PTPRK: variants seen among roughly 807,000 people sequenced by gnomAD.
The protein encoded by PTPRK is protein tyrosine phosphatase receptor type K, also known as receptor-type tyrosine-protein phosphatase kappa.
Under a neutral mutation model 178.0 loss-of-function variants are expected in PTPRK, and 75 were observed. The observed-to-expected ratio is 0.42, with a 90% confidence interval of 0.35 to 0.51. The LOEUF is 0.51. Among genes scored for constraint, PTPRK ranks in the 20% least tolerant of loss-of-function variants. PTPRK has a pLI of 0.02. For synonymous variants in PTPRK, 637 were observed against 620.6 expected (o/e 1.03, Z -0.39); for missense variants, 1,441 against 1,797.8 (o/e 0.80, Z 3.59).
chr6:127,997,965 T>A (rs1280382598), intron 16 of PTPRK, among the ~76,000 whole-genome samples: 2 of 152,138 alleles, frequency 1.3e-5, no homozygotes, highest in Non-Finnish European at 2.9e-5. Flanking sequence ...CTGTGATGTG[T>A]TCATGGGTAG....
At chr6:128,463,756 T>G (rs1376722707) in intron 1 of PTPRK, among the ~76,000 whole-genome samples, 1 of 141,224 alleles carries the variant, frequency 7.1e-6, no homozygotes, top group Non-Finnish European at 1.5e-5. Flanking sequence ...TTTTTTTTTT[T>G]TTTTTTTTTT....
chr6:128,314,035 C>T (rs1168021099), intron 3 of PTPRK, among the ~76,000 whole-genome samples: 1 of 152,044 alleles, frequency 6.6e-6, no homozygotes, highest in Admixed American at 6.6e-5. Context: ...CTCTGCAATG[C>T]CAATTTCCTT....
intron 5 of PTPRK, among the ~76,000 whole-genome samples, chr6:128,237,690 A>G (rs1394827733): frequency 6.6e-6 from 1 of 152,236 alleles, no homozygotes; most frequent in East Asian, 1.9e-4. Context: ...TAGGAGGGTT[A>G]GAGTAAAAGT....
At chr6:128,468,951 T>C (rs1850251207) in intron 1 of PTPRK, among the ~76,000 whole-genome samples, 2 of 151,500 alleles carry the variant, frequency 1.3e-5, no homozygotes, top group South Asian at 4.1e-4. Flanking sequence ...CCTTAATGTA[T>C]TCAATTTCAC....
At chr6:128,041,805 T>C (rs1777215788) in intron 13 of PTPRK, among the ~76,000 whole-genome samples, 1 of 151,322 alleles carries the variant, frequency 6.6e-6, no homozygotes, top group Admixed American at 6.6e-5. Context: ...TATATATCTA[T>C]AGTTTTATAA....
At chr6:128,334,282 A>C (rs1381290189) in intron 2 of PTPRK, among the ~76,000 whole-genome samples, 1 of 152,222 alleles carries the variant, frequency 6.6e-6, no homozygotes, top group Non-Finnish European at 1.5e-5. Context: ...TGTAAAACAT[A>C]CAATATCTGC....
At chr6:128,145,554 A>G (rs1398861663) in intron 7 of PTPRK, among the ~76,000 whole-genome samples, 1 of 151,248 alleles carries the variant, frequency 6.6e-6, no homozygotes, top group Non-Finnish European at 1.5e-5. Flanking sequence ...AAAAATAAAT[A>G]TATATAGGTG....
At chr6:128,400,646 A>G (rs945788889) in intron 1 of PTPRK, among the ~76,000 whole-genome samples, 1 of 152,188 alleles carries the variant, frequency 6.6e-6, no homozygotes, top group African/African-American at 2.4e-5. Context: ...AGCGCATAAT[A>G]TATCCTGAAC....
chr6:128,307,965 G>A (rs1407609701), intron 3 of PTPRK, among the ~76,000 whole-genome samples: 7 of 152,046 alleles, frequency 4.6e-5, no homozygotes, highest in African/African-American at 1.2e-4. Context: ...ACATGTACAT[G>A]AATGCTCATA....
At chr6:128,259,489 T>C (rs903083146) in intron 3 of PTPRK, among the ~76,000 whole-genome samples, 1 of 152,160 alleles carries the variant, frequency 6.6e-6, no homozygotes, top group Non-Finnish European at 1.5e-5. Flanking sequence ...AATGTACATA[T>C]ATGCACATAC....
intron 3 of PTPRK, among the ~76,000 whole-genome samples, chr6:128,261,780 A>G (rs1346782183): frequency 6.6e-6 from 1 of 152,206 alleles, no homozygotes; most frequent in Admixed American, 6.6e-5. Flanking sequence ...ATGAATTTTG[A>G]CAAATTTGGG....
intron 14 of PTPRK, among the ~76,000 whole-genome samples, chr6:128,006,891 C>A (rs1437541597): frequency 6.6e-6 from 1 of 150,814 alleles, no homozygotes; most frequent in Non-Finnish European, 1.5e-5. Flanking sequence ...AATTATACAC[C>A]ATTCTTTTGC....
intron 3 of PTPRK, among the ~76,000 whole-genome samples, chr6:128,258,038 C>T (rs1334547092): frequency 6.6e-6 from 1 of 151,802 alleles, no homozygotes; most frequent in Non-Finnish European, 1.5e-5. Flanking sequence ...ATATTTTATT[C>T]AGAAATCAAT....
chr6:128,211,806 T>G (rs145127728), intron 6 of PTPRK, among the ~76,000 whole-genome samples: 2 of 152,062 alleles, frequency 1.3e-5, no homozygotes, highest in Non-Finnish European at 2.9e-5. Context: ...CTCTTGAAGA[T>G]GAAGTGGAGG....
At chr6:128,150,464 C>T (rs1797091904) in intron 7 of PTPRK, among the ~76,000 whole-genome samples, 1 of 152,042 alleles carries the variant, frequency 6.6e-6, no homozygotes, top group Non-Finnish European at 1.5e-5. Flanking sequence ...CTGAAGGGCC[C>T]ACACTTTGAA....
chr6:128,235,701 T>TA (rs1188028470), intron 5 of PTPRK: 7 of 406,002 alleles, frequency 1.7e-5, no homozygotes, highest in Admixed American at 1.7e-4. Context: ...CCTCACTTGT[T>TA]AGTCATCGAC....
At chr6:128,353,046 T>TA (rs1008087002) in intron 2 of PTPRK, among the ~76,000 whole-genome samples, 12 of 151,948 alleles carry the variant, frequency 7.9e-5, no homozygotes, top group Admixed American at 1.3e-4. Context: ...ACTCAGCACT[T>TA]AAAAAAAACT....
Position 128,083,815 on chromosome 6 carries a change from G to C in PTPRK, c.1475C>G (p.Pro492Arg). ...IIQTDEDVPGPVPVKSLQGTS... is the reference protein window; with the variant it reads ...IIQTDEDVPGRVPVKSLQGTS... The stretch of plus-strand genomic sequence containing the variant: ...TCCTTGAAGAGATTTTACTGGTACG[G>C]GACCAGGCACTACAAAACACATGAA... Residue 492 changes from proline (P) to arginine (R), a missense_variant, in exon 9 of 30, where the codon CCC becomes CGC. Physicochemically the swap from Pro to Arg is moderately radical, Grantham distance 103. Around this residue, in one of 4 missense-constraint regions of PTPRK, gnomAD observed 945 missense variants for 1,080.6 expected, o/e 0.87. Coordinates refer to ENST00000368226, the MANE Select transcript of PTPRK (RefSeq NM_002844.4). The C allele has an allele frequency of 6.3e-7, 1 of 1,577,344 alleles. No individual in the cohort carries two copies. Among genetic ancestry groups the C allele is most frequent in the Non-Finnish European group, 8.6e-7 (1 of 1,159,998 alleles).
intron 13 of PTPRK, among the ~76,000 whole-genome samples, chr6:128,041,453 C>T (rs1038891301): frequency 3.3e-5 from 5 of 151,970 alleles, no homozygotes; most frequent in African/African-American, 1.2e-4. Context: ...TAAACCAATG[C>T]TCTATAACAC....
Sources: allele counts gnomAD v4.1 joint callset (sites outside exome capture counted in the v4.1 genomes callset), GRCh38; gene constraint gnomAD v4.1.1; regional missense constraint gnomAD v4.1.1; transcripts MANE v1.5; gene names NCBI Gene and HGNC (gene_info 2026-07-23, HGNC 2026-07-21).